The following EBF1 variants were observed in gnomAD, a reference collection of about 807,000 sequenced individuals.
EBF1 encodes EBF transcription factor 1, also known as transcription factor COE1.
EBF1 carries 10 observed loss-of-function variants against 68.4 expected under a neutral mutation model. That is an observed-to-expected ratio of 0.15 (90% CI 0.09 to 0.25). The LOEUF is 0.25. EBF1 is among the 10% of genes least tolerant of loss of function. The pLI is 1.00. For synonymous variants in EBF1, 298 were observed against 299.8 expected, an observed-to-expected ratio of 0.99 and a Z score of 0.06; for missense variants, 509 against 794.4, an observed-to-expected ratio of 0.64 and a Z score of 4.32.
At chr5:158,712,092 G>A in intron 14 of EBF1, 62 bp downstream of exon 14, 2 of 1,585,942 alleles carry the variant, frequency 1.3e-6, no homozygotes, top group South Asian at 1.1e-5. Flanking sequence ...TGGGCCACAT[G>A]GCATGATGCC....
At chr5:158,798,246 A>C (rs1779930847) in intron 8 of EBF1, among the ~76,000 whole-genome samples, 1 of 152,186 alleles carries the variant, frequency 6.6e-6, no homozygotes, top group South Asian at 2.1e-4. Flanking sequence ...TTCTGAGAAG[A>C]ACAGGTTATT....
At chr5:158,854,608 G>A (rs548015048) in intron 6 of EBF1, among the ~76,000 whole-genome samples, 2 of 152,300 alleles carry the variant, frequency 1.3e-5, no homozygotes, top group Admixed American at 1.3e-4. Context: ...ATCAGAAGCA[G>A]TAACTTTTAG....
intron 6 of EBF1, among the ~76,000 whole-genome samples, chr5:158,909,203 C>A (rs1805348471): frequency 6.6e-6 from 1 of 152,022 alleles, no homozygotes. Context: ...ACAAACTGCA[C>A]TGAGTGTTTG....
chr5:158,759,465 A>G lies in EBF1; in HGVS notation c.1036+17948T>C, dbSNP rs139431557. 6.1e-3 allele frequency among the ~76,000 whole-genome samples: 923 copies of G among 152,300 alleles called. 12 individuals carry two copies. The highest frequency in any genetic ancestry group is 0.02 in the African/African-American group (852 of 41,564). ...AGAACATAGTCAGCTGGTACGGCTC[A>G]TATTTCTAGATAATGATCACAGAGT... On this transcript the variant is annotated intron_variant, in intron 10 of 15. Coordinates refer to ENST00000313708, the MANE Select transcript of EBF1 (RefSeq NM_024007.5).
intron 10 of EBF1, among the ~76,000 whole-genome samples, chr5:158,741,884 G>A (rs1766489524): frequency 6.6e-6 from 1 of 152,160 alleles, no homozygotes; most frequent in South Asian, 2.1e-4. Context: ...AGGACTTACT[G>A]TGTGCCAGGC....
At chr5:158,787,626 T>C (rs1777720527) in intron 9 of EBF1, among the ~76,000 whole-genome samples, 1 of 152,224 alleles carries the variant, frequency 6.6e-6, no homozygotes, top group Admixed American at 6.5e-5. Flanking sequence ...AATCCAAGCC[T>C]TGTCAATAAT....
At chr5:159,007,757 C>T (rs1223174430) in intron 6 of EBF1, among the ~76,000 whole-genome samples, 5 of 152,108 alleles carry the variant, frequency 3.3e-5, no homozygotes, top group Admixed American at 2.0e-4. Flanking sequence ...TCCCCCTCCA[C>T]CAAAATGCAC....
chr5:158,981,348 A>G (rs1757863769), intron 6 of EBF1, among the ~76,000 whole-genome samples: 1 of 152,180 alleles, frequency 6.6e-6, no homozygotes, highest in African/African-American at 2.4e-5. Flanking sequence ...ATTGTATGTC[A>G]AATCAACATT....
chr5:159,053,596 C>G (rs1774204346), intron 6 of EBF1, among the ~76,000 whole-genome samples: 1 of 137,516 alleles, frequency 7.3e-6, no homozygotes, highest in Non-Finnish European at 1.6e-5. Context: ...CTCCCTCTCT[C>G]TCTCTCTCTC....
intron 6 of EBF1, among the ~76,000 whole-genome samples, chr5:158,974,630 T>C (rs2127571121): frequency 6.6e-6 from 1 of 152,264 alleles, no homozygotes; most frequent in East Asian, 1.9e-4. Flanking sequence ...AAATACATAT[T>C]TAGAACATTT....
intron 10 of EBF1, among the ~76,000 whole-genome samples, chr5:158,748,108 A>G (rs1386932188): frequency 6.6e-6 from 1 of 152,214 alleles, no homozygotes; most frequent in Admixed American, 6.5e-5. Flanking sequence ...AGACTTGAAA[A>G]ATATAAATGT....
intron 6 of EBF1, among the ~76,000 whole-genome samples, chr5:158,900,234 C>G (rs1803008375): frequency 6.6e-6 from 1 of 152,160 alleles, no homozygotes; most frequent in African/African-American, 2.4e-5. Context: ...ATGCCTGGAT[C>G]CAAGAGGCAT....
chr5:158,980,808 T>C (rs1466869641), intron 6 of EBF1, among the ~76,000 whole-genome samples: 2 of 152,172 alleles, frequency 1.3e-5, no homozygotes, highest in Non-Finnish European at 2.9e-5. Context: ...TCTAGAACAC[T>C]TAAATAAAAC....
chr5:159,007,577 A>G (rs1234053253), intron 6 of EBF1, among the ~76,000 whole-genome samples: 1 of 152,164 alleles, frequency 6.6e-6, no homozygotes, highest in Admixed American at 6.6e-5. Flanking sequence ...AAAAGTGAGG[A>G]ATGTGCTTGC....
intron 6 of EBF1, among the ~76,000 whole-genome samples, chr5:158,861,207 A>G (rs1331515666): frequency 6.6e-6 from 1 of 152,216 alleles, no homozygotes; most frequent in Non-Finnish European, 1.5e-5. Context: ...CTAAAAAAAA[A>G]TAAAGGAACT....
chr5:158,978,091 A>T (rs1371396328), intron 6 of EBF1, among the ~76,000 whole-genome samples: 1 of 152,224 alleles, frequency 6.6e-6, no homozygotes, highest in Non-Finnish European at 1.5e-5. Context: ...TACTGAGTGG[A>T]GACAGGCTGA....
intron 10 of EBF1, among the ~76,000 whole-genome samples, chr5:158,776,491 T>C (rs1383742450): frequency 6.6e-6 from 1 of 152,190 alleles, no homozygotes; most frequent in Non-Finnish European, 1.5e-5. Context: ...TGCTCTGTTA[T>C]CTCTTTGTGT....
chr5:159,030,506 G>A (rs901087706), intron 6 of EBF1, among the ~76,000 whole-genome samples: 3 of 152,178 alleles, frequency 2.0e-5, no homozygotes, highest in East Asian at 1.9e-4. Flanking sequence ...CCCTCCAGAG[G>A]AGCTGGAGAA....
intron 6 of EBF1, among the ~76,000 whole-genome samples, chr5:158,893,159 T>C (rs1013716604): frequency 1.3e-5 from 2 of 152,236 alleles, no homozygotes; most frequent in African/African-American, 4.8e-5. Flanking sequence ...GTTTTCATTG[T>C]TACATTGTTT....
Sources: gnomAD v4.1 joint callset for allele counts (sites outside exome capture counted in the v4.1 genomes callset) on GRCh38, gnomAD v4.1.1 for gene constraint, MANE v1.5 for transcripts, NCBI Gene and HGNC (gene_info 2026-07-23, HGNC 2026-07-21) for gene names.